Variants in CCDC148 observed in about 807,000 individuals in gnomAD.
The protein encoded by CCDC148 is coiled-coil domain-containing protein 148.
In CCDC148, 89 loss-of-function variants were observed where a neutral mutation model predicts 85.7. The observed-to-expected ratio is 1.04, with a 90% confidence interval of 0.87 to 1.24. CCDC148 has a LOEUF of 1.24. CCDC148 is among the 50% of genes most tolerant of loss of function. CCDC148 has a pLI of 0.00. For synonymous variants in CCDC148, 230 were observed against 213.9 expected (o/e 1.08, Z -0.66); for missense variants, 692 against 671.7 (o/e 1.03, Z -0.33).
intron 11 of CCDC148, among the ~76,000 whole-genome samples, chr2:158,189,299 G>A (rs1275077352): frequency 6.6e-6 from 1 of 151,806 alleles, no homozygotes; most frequent in East Asian, 1.9e-4. Flanking sequence ...GCTAGTTTGA[G>A]TTAGGTTTTG....
rs1685094234 is a variant in CCDC148, at chr2:158,386,554, TACC to T, written c.26-27987_26-27985del. On this transcript the variant is annotated intron_variant, in intron 1 of 13. Coordinates refer to ENST00000283233, the MANE Select transcript of CCDC148 (RefSeq NM_138803.4). ...AACTTAAATTTCAAATTAACAGATG[TACC>T]ACAAGTTCAGCTTGAATAATTTTTT... 2.6e-5 allele frequency among the ~76,000 whole-genome samples: 4 copies of T among 152,146 alleles called. No homozygotes were observed. The South Asian group carries it at 8.3e-4, about 32-fold the overall frequency.
chr2:158,424,417 G>A (rs1331505113), intron 1 of CCDC148, among the ~76,000 whole-genome samples: 1 of 152,108 alleles, frequency 6.6e-6, no homozygotes. Flanking sequence ...GTCCTTTGTA[G>A]GGACATGGAT....
chr2:158,245,876 C>T (rs911301934), intron 10 of CCDC148, among the ~76,000 whole-genome samples: 11 of 152,138 alleles, frequency 7.2e-5, no homozygotes, highest in African/African-American at 2.7e-4. Flanking sequence ...TGAAAAACAT[C>T]AATATCATCT....
At chr2:158,406,623 T>TG (rs372903099) in intron 1 of CCDC148, among the ~76,000 whole-genome samples, 3 of 102,860 alleles carry the variant, frequency 2.9e-5, no homozygotes, top group African/African-American at 6.5e-5. Flanking sequence ...CTTTTTTTTT[T>TG]TTTTTTTTTT....
intron 1 of CCDC148, among the ~76,000 whole-genome samples, chr2:158,441,432 G>C (rs1390365256): frequency 6.6e-6 from 1 of 152,096 alleles, no homozygotes; most frequent in African/African-American, 2.4e-5. Context: ...AAGTAAATCA[G>C]AAATATCTAA....
At chr2:158,290,915 C>T (rs1434646240) in intron 9 of CCDC148, among the ~76,000 whole-genome samples, 2 of 151,752 alleles carry the variant, frequency 1.3e-5, no homozygotes, top group East Asian at 3.9e-4. Context: ...CTTTCTTCTC[C>T]CTCACCCAGT....
At chr2:158,413,516 G>A (rs780520838) in intron 1 of CCDC148, among the ~76,000 whole-genome samples, 7 of 151,906 alleles carry the variant, frequency 4.6e-5, no homozygotes, top group Non-Finnish European at 8.8e-5. Flanking sequence ...CCCAGCTGTA[G>A]GTTAGCTACT....
intron 1 of CCDC148, among the ~76,000 whole-genome samples, chr2:158,384,529 C>A (rs550940913): frequency 1.6e-4 from 25 of 152,242 alleles, no homozygotes; most frequent in African/African-American, 6.0e-4. Flanking sequence ...TCCTCCTTCT[C>A]CAGCCATGAG....
At chr2:158,427,257 T>A (rs190027238) in intron 1 of CCDC148, among the ~76,000 whole-genome samples, 1 of 152,182 alleles carries the variant, frequency 6.6e-6, no homozygotes, top group African/African-American at 2.4e-5. Context: ...TTATGACTTA[T>A]TATGTTCATG....
chr2:158,454,520 G>A (rs1228762360), intron 1 of CCDC148, among the ~76,000 whole-genome samples: 3 of 152,244 alleles, frequency 2.0e-5, no homozygotes, highest in Non-Finnish European at 4.4e-5. Context: ...AGAAAGTTAA[G>A]TTGAGGAACC....
chr2:158,190,950 T>C (rs1010658441), intron 11 of CCDC148, among the ~76,000 whole-genome samples: 2 of 152,014 alleles, frequency 1.3e-5, no homozygotes, highest in Non-Finnish European at 2.9e-5. Context: ...TGCTTTAGTA[T>C]TGAGCTTTAA....
At chr2:158,413,727 G>T (rs966469269) in intron 1 of CCDC148, among the ~76,000 whole-genome samples, 1 of 151,908 alleles carries the variant, frequency 6.6e-6, no homozygotes, top group Non-Finnish European at 1.5e-5. Context: ...CAACTCAGTT[G>T]TGTAGCATGA....
At chr2:158,423,807 A>C (rs140351472) in intron 1 of CCDC148, among the ~76,000 whole-genome samples, 11,325 of 152,264 alleles carry the variant, frequency 0.074, 564 homozygotes, top group Middle Eastern at 0.11. Flanking sequence ...AAATTTTTGT[A>C]ATCTACTCAT....
chr2:158,429,360 A>AATAGATAGATAGATAG (rs10664791), intron 1 of CCDC148, among the ~76,000 whole-genome samples: 16 of 149,732 alleles, frequency 1.1e-4, no homozygotes, highest in East Asian at 4.0e-4. Context: ...AAAGAGCATG[A>AATAGATAGATAGATAG]ATAGATAGAT....
chr2:158,414,116 T>C (rs999298395), intron 1 of CCDC148, among the ~76,000 whole-genome samples: 3 of 152,214 alleles, frequency 2.0e-5, no homozygotes, highest in African/African-American at 7.2e-5. Context: ...TAACATATTA[T>C]GAAATAATCC....
intron 11 of CCDC148, among the ~76,000 whole-genome samples, chr2:158,219,410 A>C (rs1039198125): frequency 2.0e-5 from 3 of 152,158 alleles, no homozygotes; most frequent in Admixed American, 6.6e-5. Context: ...TGGACCCTCT[A>C]TCTATCCCTA....
chr2:158,220,764 A>T (rs1687138110), intron 10 of CCDC148, 51 bp from the exon 11 acceptor site: 2 of 1,386,116 alleles, frequency 1.4e-6, no homozygotes, highest in Non-Finnish European at 2.0e-6. Context: ...ATATGTAAAA[A>T]TGAGGGAAAA....
At position 158,287,292 on chromosome 2, in the gene CCDC148, C is replaced by A. The variant is rs1690673114; in HGVS notation, c.1110+22141G>T. Among the ~76,000 whole-genome samples the A allele has an allele frequency of 2.0e-5, 3 of 152,214 alleles. 1 individual carries two copies. In the East Asian group the frequency reaches 5.8e-4, roughly 29 times the overall value. On this transcript the variant is annotated intron_variant, in intron 9 of 13. Coordinates refer to ENST00000283233, the MANE Select transcript of CCDC148 (RefSeq NM_138803.4). ...CCTGTCCCCTCCCAAATCTCATATACTCACATTTCAAAACTAATCATGCCT... is the reference window on the plus strand; with the variant it reads ...CCTGTCCCCTCCCAAATCTCATATAATCACATTTCAAAACTAATCATGCCT...
At chr2:158,258,863 C>T (rs984628936) in intron 9 of CCDC148, among the ~76,000 whole-genome samples, 1 of 151,856 alleles carries the variant, frequency 6.6e-6, no homozygotes, top group South Asian at 2.1e-4. Context: ...ACTCCCACCT[C>T]CCTGCCTAAC....
Sources: allele counts gnomAD v4.1 joint callset (sites outside exome capture counted in the v4.1 genomes callset), GRCh38; gene constraint gnomAD v4.1.1; transcripts MANE v1.5; gene names NCBI Gene and HGNC (gene_info 2026-07-23, HGNC 2026-07-21).